EPHA6: variants seen among roughly 807,000 people sequenced by gnomAD.
EPHA6 encodes the protein ephrin type-A receptor 6.
In EPHA6, 50 loss-of-function variants were observed where a neutral mutation model predicts 112.0. The observed-to-expected ratio is 0.45, with a 90% CI of 0.36 to 0.56. EPHA6 has a LOEUF of 0.56. Ranked by LOEUF, EPHA6 falls within the 20% of genes least tolerant of loss-of-function variation. The pLI is 0.00. For missense variants in EPHA6, 1,280 were observed against 1,417.4 expected, an observed-to-expected ratio of 0.90 and a Z score of 1.56; for synonymous variants, 529 against 490.7, an observed-to-expected ratio of 1.08 and a Z score of -1.03.
At chr3:96,904,488 T>A (rs1256953036) in intron 2 of EPHA6, among the ~76,000 whole-genome samples, 1 of 147,162 alleles carries the variant, frequency 6.8e-6, no homozygotes, top group Non-Finnish European at 1.5e-5. Context: ...GGATAGAATT[T>A]GGAGATATAC....
intron 14 of EPHA6, among the ~76,000 whole-genome samples, chr3:97,641,563 G>A (rs1023027276): frequency 6.6e-6 from 1 of 152,300 alleles, no homozygotes; most frequent in Non-Finnish European, 1.5e-5. Flanking sequence ...CCAGACAGTG[G>A]GCGCAGGATA....
chr3:96,891,391 C>T (rs1454793071), intron 2 of EPHA6, among the ~76,000 whole-genome samples: 1 of 152,114 alleles, frequency 6.6e-6, no homozygotes, highest in East Asian at 1.9e-4. Context: ...CAAAATTAAT[C>T]TATAGTCTTT....
chr3:97,429,543 TCA>T (rs1265503748), intron 6 of EPHA6, among the ~76,000 whole-genome samples: 3 of 152,252 alleles, frequency 2.0e-5, no homozygotes, highest in East Asian at 3.9e-4. Flanking sequence ...CTGTTCTTAA[TCA>T]GTTTTTATAA....
At chr3:97,068,520 G>A (rs2046251706) in intron 3 of EPHA6, among the ~76,000 whole-genome samples, 1 of 152,066 alleles carries the variant, frequency 6.6e-6, no homozygotes, top group Non-Finnish European at 1.5e-5. Context: ...AGAGCACCTA[G>A]AACATGAGTA....
chr3:96,952,914 T>G (rs1014368546), intron 2 of EPHA6, among the ~76,000 whole-genome samples: 18 of 152,110 alleles, frequency 1.2e-4, no homozygotes, highest in Non-Finnish European at 2.5e-4. Context: ...TAAAGGGTAT[T>G]AGGCTTAATA....
chr3:97,364,541 A>G (rs2084600556), intron 5 of EPHA6, among the ~76,000 whole-genome samples: 1 of 152,020 alleles, frequency 6.6e-6, no homozygotes, highest in Admixed American at 6.6e-5. Context: ...TCTAATCTTC[A>G]TGATTAGAGT....
chr3:97,712,436 A>G (rs867477821), intron 14 of EPHA6, among the ~76,000 whole-genome samples: 2 of 152,224 alleles, frequency 1.3e-5, no homozygotes, highest in Non-Finnish European at 2.9e-5. Context: ...TTTCAAAACC[A>G]TAAGAAGTGA....
chr3:97,056,362 T>C (rs2045852815), intron 3 of EPHA6, among the ~76,000 whole-genome samples: 1 of 152,160 alleles, frequency 6.6e-6, no homozygotes, highest in Non-Finnish European at 1.5e-5. Flanking sequence ...CTTACATACT[T>C]GGAATTACAA....
At chr3:97,232,523 C>T (rs1559815722) in intron 4 of EPHA6, among the ~76,000 whole-genome samples, 1 of 152,144 alleles carries the variant, frequency 6.6e-6, no homozygotes, top group Non-Finnish European at 1.5e-5. Flanking sequence ...AGTCCTGCAC[C>T]TCTAAGCCTA....
At chr3:97,560,152 A>C (rs1423452755) in intron 11 of EPHA6, among the ~76,000 whole-genome samples, 3 of 151,938 alleles carry the variant, frequency 2.0e-5, no homozygotes, top group Non-Finnish European at 4.4e-5. Context: ...TGAAATCATG[A>C]TTGAAATAAA....
chr3:96,925,326 C>T (rs1481642777), intron 2 of EPHA6, among the ~76,000 whole-genome samples: 2 of 152,016 alleles, frequency 1.3e-5, no homozygotes, highest in Non-Finnish European at 2.9e-5. Context: ...TTTTGAAACT[C>T]GTTATCAGTC....
chr3:97,351,865 A>T (rs2083831532), intron 5 of EPHA6, among the ~76,000 whole-genome samples: 1 of 152,178 alleles, frequency 6.6e-6, no homozygotes, highest in African/African-American at 2.4e-5. Flanking sequence ...CTAATATAGG[A>T]TAGCTATTAT....
intron 14 of EPHA6, among the ~76,000 whole-genome samples, chr3:97,665,000 T>C (rs908948009): frequency 6.6e-6 from 1 of 152,266 alleles, no homozygotes; most frequent in Non-Finnish European, 1.5e-5. Flanking sequence ...AAAAAGAGCC[T>C]GCATTGCCAA....
chr3:97,224,516 G>A (rs890322886), intron 3 of EPHA6, among the ~76,000 whole-genome samples: 1 of 152,092 alleles, frequency 6.6e-6, no homozygotes, highest in Non-Finnish European at 1.5e-5. Context: ...TTATAAGCAC[G>A]CTACTTTATA....
intron 14 of EPHA6, among the ~76,000 whole-genome samples, chr3:97,655,762 G>C (rs1386833436): frequency 7.6e-5 from 10 of 132,158 alleles, no homozygotes; most frequent in South Asian, 2.8e-4. Flanking sequence ...GTTGTGGAGT[G>C]GGGGGAGGGG....
intron 5 of EPHA6, among the ~76,000 whole-genome samples, chr3:97,333,392 GTTTT>G: frequency 6.8e-6 from 1 of 147,890 alleles, no homozygotes; most frequent in South Asian, 2.1e-4. Context: ...ATCCCTTGAG[GTTTT>G]TTGTGAAGAC....
chr3:97,235,928 T>A (rs1461849815), intron 4 of EPHA6, among the ~76,000 whole-genome samples: 2 of 152,140 alleles, frequency 1.3e-5, no homozygotes, highest in East Asian at 3.9e-4. Context: ...ATTCATTGTG[T>A]TTCTTTTGCA....
chr3:97,446,047 C>CT lies in EPHA6; in HGVS notation c.1732-2518dup, dbSNP rs1243222840. On this transcript the variant is annotated intron_variant, in intron 6 of 17. Transcript: ENST00000389672. ...CCTGGTCGCTACCTGGTGACAACAC[C>CT]TTTGAAATGGAGTTGATGCGTCAGC... Among the ~76,000 whole-genome samples the CT allele has an allele frequency of 3.9e-5, 6 of 152,156 alleles. No individual in the cohort carries two copies. The East Asian group carries it at 1.2e-3, about 29-fold the overall frequency.
At position 97,546,057 on chromosome 3, in the gene EPHA6, C is replaced by T. The variant is rs1203914367; in HGVS notation, c.2386+13514C>T. On this transcript the variant is annotated intron_variant, in intron 11 of 17. Coordinates refer to ENST00000389672, the MANE Select transcript of EPHA6 (RefSeq NM_001080448.3). ...GTGCTTTTAATTGGAGCATTTAGCC[C>T]ATTTACATTTAAAGTTAATATTGTT... Among the ~76,000 whole-genome samples, 3 of 152,142 alleles carry T rather than the reference C, an allele frequency of 2.0e-5. No individual in the cohort carries two copies. In the East Asian group the frequency reaches 5.8e-4, roughly 29 times the overall value.
Sources: gnomAD v4.1 joint callset for allele counts (sites outside exome capture counted in the v4.1 genomes callset) on GRCh38, gnomAD v4.1.1 for gene constraint, MANE v1.5 for transcripts, NCBI Gene and HGNC (gene_info 2026-07-23, HGNC 2026-07-21) for gene names.